The following NCMAP variants were observed in gnomAD, a reference collection of about 807,000 sequenced individuals.
NCMAP encodes the protein noncompact myelin-associated protein.
Under a neutral mutation model 7.8 loss-of-function variants are expected in NCMAP, and 8 were observed. The ratio of observed to expected loss-of-function variants is 1.02; its 90% confidence interval spans 0.60 to 1.84. The LOEUF is 1.84. NCMAP is among the 40% of genes most tolerant of loss of function. The pLI is 0.00. For missense variants in NCMAP, 112 were observed against 131.4 expected, an observed-to-expected ratio of 0.85 and a Z score of 0.72; for synonymous variants, 41 against 52.9, an observed-to-expected ratio of 0.78 and a Z score of 0.98.
chr1:24,588,434 G>C (rs1651951092), intron 1 of NCMAP, among the ~76,000 whole-genome samples: 1 of 152,168 alleles, frequency 6.6e-6, no homozygotes, highest in Non-Finnish European at 1.5e-5. Context: ...CTGAGTTACA[G>C]GTGGTCAATT....
At position 24,579,730 on chromosome 1, in the gene NCMAP, AAAAT is replaced by A. The variant is rs558353135; in HGVS notation, c.-7-15683_-7-15680del. On this transcript the variant is annotated intron_variant, in intron 1 of 3. Coordinates refer to ENST00000374392, the MANE Select transcript of NCMAP (RefSeq NM_001010980.5). ...AGCAACAGGGTGAGACCTTGTTTCA[AAAAT>A]AAATAAATAAGGAAACAAAAATCCG... Among the ~76,000 whole-genome samples, 4 of 152,350 alleles carry A rather than the reference AAAAT, an allele frequency of 2.6e-5. No individual in the cohort carries two copies. The South Asian group carries it at 8.3e-4, about 32-fold the overall frequency.
chr1:24,605,487 G>A, intron 3 of NCMAP, 119 bp from the exon 4 acceptor site: 2 of 1,193,256 alleles, frequency 1.7e-6, no homozygotes, highest in South Asian at 3.4e-5. Context: ...AGTAAGCAAT[G>A]TGATTTAATG....
At chr1:24,579,889 G>T (rs868382676) in intron 1 of NCMAP, among the ~76,000 whole-genome samples, 3 of 152,180 alleles carry the variant, frequency 2.0e-5, no homozygotes, top group South Asian at 2.1e-4. Context: ...ATTCCCTTTG[G>T]CTGGTCTGTT....
intron 1 of NCMAP, among the ~76,000 whole-genome samples, chr1:24,564,816 T>A (rs1245778190): frequency 1.3e-5 from 2 of 152,060 alleles, no homozygotes; most frequent in Non-Finnish European, 2.9e-5. Context: ...GAACAAGAAC[T>A]GGGTTGGCAT....
At chr1:24,580,375 G>A (rs1019369909) in intron 1 of NCMAP, among the ~76,000 whole-genome samples, 1 of 152,176 alleles carries the variant, frequency 6.6e-6, no homozygotes, top group Non-Finnish European at 1.5e-5. Context: ...CTGCAGGGTG[G>A]AGGAGGCCCA....
At chr1:24,605,336 C>A (rs886269972) in intron 3 of NCMAP, among the ~76,000 whole-genome samples, 4 of 151,958 alleles carry the variant, frequency 2.6e-5, no homozygotes, top group Admixed American at 6.6e-5. Context: ...TTATTTTTAT[C>A]TTTTATATAG....
At chr1:24,562,728 A>G (rs948765224) in intron 1 of NCMAP, among the ~76,000 whole-genome samples, 1 of 152,220 alleles carries the variant, frequency 6.6e-6, no homozygotes, top group African/African-American at 2.4e-5. Flanking sequence ...AAAACAGGCA[A>G]GGGATCAGGC....
chr1:24,589,818 G>T lies in NCMAP; in HGVS notation c.-7-5606G>T, dbSNP rs151059218. 3.2e-3 allele frequency among the ~76,000 whole-genome samples: 483 copies of T among 152,252 alleles called. 2 individuals carry two copies. The highest frequency in any genetic ancestry group is 0.011 in the African/African-American group (458 of 41,554). ...CGTAAGTGTGGATAGTTAGCTTTAT[G>T]TTTTTATTTTTATTTTTATTTTGAG... On this transcript the variant is annotated intron_variant, in intron 1 of 3. Transcript: ENST00000374392.
At chr1:24,593,028 A>G (rs116192024) in intron 1 of NCMAP, among the ~76,000 whole-genome samples, 2,121 of 151,806 alleles carry the variant, frequency 0.014, 52 homozygotes, top group African/African-American at 0.049. Flanking sequence ...AAAAATACAA[A>G]ATATCTGGAT....
At chr1:24,577,666 A>AT (rs1275363741) in intron 1 of NCMAP, among the ~76,000 whole-genome samples, 4 of 150,662 alleles carry the variant, frequency 2.7e-5, no homozygotes, top group Non-Finnish European at 5.9e-5. Context: ...CCCATCCCCA[A>AT]TTTTTTTTCT....
Position 24,576,391 on chromosome 1 carries a change from C to T in NCMAP, c.-7-19033C>T, listed in dbSNP as rs984890321. Among the ~76,000 whole-genome samples the T allele has an allele frequency of 8.5e-5, 13 of 152,328 alleles. No individual in the cohort carries two copies. The highest frequency in any genetic ancestry group is 7.7e-4 in the East Asian group (4 of 5,176). On this transcript the variant is annotated intron_variant, in intron 1 of 3. Coordinates refer to ENST00000374392, the MANE Select transcript of NCMAP (RefSeq NM_001010980.5). The surrounding 1 kb of genome is among the most constrained non-coding windows in gnomAD (Gnocchi z 4.0). ...TGACTGGCCACTGGCCAGCTCACAC[C>T]GTGGGCAGCTTGAACGGCTGGGATT...
At chr1:24,563,494 C>T (rs143983691) in intron 1 of NCMAP, 2 of 149,680 alleles carry the variant, frequency 1.3e-5, no homozygotes, top group African/African-American at 4.9e-5. Flanking sequence ...TGCACTCCAG[C>T]CTGGGCAACA....
chr1:24,557,411 G>A (rs1399077462), intron 1 of NCMAP, among the ~76,000 whole-genome samples: 8 of 148,650 alleles, frequency 5.4e-5, no homozygotes, highest in South Asian at 2.2e-4. Context: ...GTGTGTGTGC[G>A]CTTGTGTGCA....
At chr1:24,594,478 C>G (rs976626594) in intron 1 of NCMAP, among the ~76,000 whole-genome samples, 2 of 151,918 alleles carry the variant, frequency 1.3e-5, no homozygotes, top group Non-Finnish European at 2.9e-5. Context: ...AGATGACAGC[C>G]ACTTCTCAGT....
rs1367940091 is a variant in NCMAP at position 24,607,345 on chromosome 1, A to G, written c.*1598A>G. ...TATTATAGGCTTTTTTTTCAATTGC[A>G]AGATAGACATTTCTTCACATTTTAA... On this transcript the variant is annotated 3_prime_UTR_variant, in exon 4 of 4. Transcript: ENST00000374392. The G allele has an allele frequency of 1.3e-5, 2 of 151,810 alleles. No homozygotes were observed. The highest frequency in any genetic ancestry group is 2.4e-5 in the African/African-American group (1 of 41,256). 9.4% of individuals were successfully genotyped at this position (151,810 alleles called of 1,614,324 possible).
intron 1 of NCMAP, among the ~76,000 whole-genome samples, chr1:24,558,630 A>AC (rs1022359962): frequency 1.3e-5 from 2 of 150,928 alleles, no homozygotes; most frequent in African/African-American, 4.9e-5. Context: ...GTCCAAGCTG[A>AC]CCCCCCCTCA....
chr1:24,556,686 C>G (rs1650905905), intron 1 of NCMAP, among the ~76,000 whole-genome samples: 2 of 152,098 alleles, frequency 1.3e-5, no homozygotes, highest in Admixed American at 1.3e-4. Context: ...TTTGGAGGGG[C>G]TCGGGGGTCG....
At chr1:24,557,395 A>ATG (rs1011267706) in intron 1 of NCMAP, among the ~76,000 whole-genome samples, 9 of 150,772 alleles carry the variant, frequency 6.0e-5, no homozygotes, top group South Asian at 2.1e-4. Flanking sequence ...GTATGTGTGC[A>ATG]TGTGTGTGTG....
intron 1 of NCMAP, among the ~76,000 whole-genome samples, chr1:24,582,402 T>C (rs1651771161): frequency 6.6e-6 from 1 of 152,160 alleles, no homozygotes; most frequent in Admixed American, 6.6e-5. Context: ...TTTGCAGATG[T>C]AATTAAGTTC....
Sources: allele counts gnomAD v4.1 joint callset (sites outside exome capture counted in the v4.1 genomes callset), GRCh38; gene constraint gnomAD v4.1.1; non-coding constraint Gnocchi (gnomAD v3.1); transcripts MANE v1.5; gene names NCBI Gene and HGNC (gene_info 2026-07-23, HGNC 2026-07-21).